The following IPO11 variants were observed in gnomAD, a reference collection of about 807,000 sequenced individuals.
The protein encoded by IPO11 is importin-11.
Under a neutral mutation model 143.2 loss-of-function variants are expected in IPO11, and 66 were observed. That is an observed-to-expected ratio of 0.46 (90% CI 0.38 to 0.57). The LOEUF is 0.57. Among genes scored for constraint, IPO11 ranks in the 20% least tolerant of loss-of-function variants. IPO11 has a pLI of 0.00. For missense variants in IPO11, 1,026 were observed against 1,141.0 expected, an observed-to-expected ratio of 0.90 and a Z score of 1.45; for synonymous variants, 385 against 377.8, an observed-to-expected ratio of 1.02 and a Z score of -0.22.
chr5:62,621,307 G>A (rs187811771), intron 29 of IPO11, among the ~76,000 whole-genome samples: 8 of 152,282 alleles, frequency 5.3e-5, no homozygotes, highest in African/African-American at 1.7e-4. Context: ...ACTTTGAAGG[G>A]CGAGGGGGAA....
intron 22 of IPO11, among the ~76,000 whole-genome samples, chr5:62,532,603 C>T (rs1046044433): frequency 6.6e-6 from 1 of 152,180 alleles, no homozygotes; most frequent in Non-Finnish European, 1.5e-5. Context: ...TGTGATCCAC[C>T]TGCCTCGGCA....
intron 2 of IPO11, among the ~76,000 whole-genome samples, chr5:62,438,887 G>A (rs1305653475): frequency 2.6e-5 from 4 of 151,256 alleles, no homozygotes; most frequent in Admixed American, 1.3e-4. Flanking sequence ...GTGAAATCCC[G>A]TCTCTACTAA....
At chr5:62,548,513 C>CT (rs1170208119) in intron 24 of IPO11, among the ~76,000 whole-genome samples, 1 of 152,132 alleles carries the variant, frequency 6.6e-6, no homozygotes, top group Non-Finnish European at 1.5e-5. Flanking sequence ...GAAGCAATCT[C>CT]TTTTAGACTC....
Position 62,498,982 on chromosome 5 carries a change from G to A in IPO11, c.1590+4858G>A, listed in dbSNP as rs189025966. On this transcript the variant is annotated intron_variant, in intron 16 of 29. Coordinates refer to ENST00000325324, the MANE Select transcript of IPO11 (RefSeq NM_016338.5). ...AGTATAATCTTTCACTTTTGTGAAA[G>A]CCTATGTAAGATATAAACTGTGGTA... 1.3e-4 allele frequency among the ~76,000 whole-genome samples: 20 copies of A among 152,312 alleles called. 1 individual carries two copies. The highest frequency in any genetic ancestry group is 1.2e-3 in the Admixed American group (18 of 15,300).
chr5:62,415,796 C>T (rs754218958), intron 1 of IPO11, among the ~76,000 whole-genome samples: 23 of 151,992 alleles, frequency 1.5e-4, no homozygotes, highest in Non-Finnish European at 2.6e-4. Context: ...GGATAAAGTT[C>T]CCTTCTGCTT....
intron 9 of IPO11, among the ~76,000 whole-genome samples, chr5:62,481,264 C>A (rs1746201084): frequency 1.3e-5 from 2 of 152,062 alleles, no homozygotes; most frequent in South Asian, 4.2e-4. Flanking sequence ...TTTCTCTTGC[C>A]TGATTGCCCT....
intron 29 of IPO11, among the ~76,000 whole-genome samples, chr5:62,617,074 A>G (rs1015550238): frequency 6.6e-6 from 1 of 152,152 alleles, no homozygotes; most frequent in Admixed American, 6.5e-5. Context: ...AAGAGACTTG[A>G]GATTCTCATA....
chr5:62,618,422 A>T (rs1746220744), intron 29 of IPO11, among the ~76,000 whole-genome samples: 1 of 152,202 alleles, frequency 6.6e-6, no homozygotes, highest in African/African-American at 2.4e-5. Context: ...GACATTAGAA[A>T]AAATCAGCCT....
At chr5:62,590,943 G>A (rs1475165583) in intron 27 of IPO11, among the ~76,000 whole-genome samples, 1 of 151,908 alleles carries the variant, frequency 6.6e-6, no homozygotes, top group Non-Finnish European at 1.5e-5. Flanking sequence ...TCTTTTAAGA[G>A]ACAGGTCTCT....
intron 15 of IPO11, among the ~76,000 whole-genome samples, chr5:62,491,371 A>C (rs1278023053): frequency 1.3e-5 from 2 of 152,196 alleles, no homozygotes; most frequent in Admixed American, 6.5e-5. Context: ...ACTCTGACTT[A>C]GTCTCAGGGA....
rs575838421 is a variant in IPO11, at chr5:62,440,532, T to G, written c.139-2451T>G. Among the ~76,000 whole-genome samples, 19 of 152,026 alleles carry G rather than the reference T, an allele frequency of 1.2e-4. 1 individual carries two copies. Among genetic ancestry groups the G allele is most frequent in the Admixed American group, 1.1e-3 (17 of 15,280 alleles). The stretch of plus-strand genomic sequence containing the variant: ...CACCATGCCTAGCTAATTTTTTGTA[T>G]TTTTAGTAGAGACAGGGTTTCACCA... On this transcript the variant is annotated intron_variant, in intron 2 of 29. Transcript: ENST00000325324.
At chr5:62,530,988 T>G (rs1742523576) in intron 22 of IPO11, among the ~76,000 whole-genome samples, 2 of 152,198 alleles carry the variant, frequency 1.3e-5, no homozygotes, top group African/African-American at 4.8e-5. Flanking sequence ...ATCCAGTTAG[T>G]GAACATAGTA....
At chr5:62,587,418 A>T (rs1744836897) in intron 27 of IPO11, among the ~76,000 whole-genome samples, 1 of 152,082 alleles carries the variant, frequency 6.6e-6, no homozygotes. Context: ...GAAAGGATGT[A>T]TGTTTCCATT....
intron 1 of IPO11, among the ~76,000 whole-genome samples, chr5:62,435,218 A>ATGTGTG (rs1561309256): frequency 1.4e-5 from 2 of 141,434 alleles, no homozygotes; most frequent in African/African-American, 5.3e-5. Flanking sequence ...ATGTGTATAT[A>ATGTGTG]TATATATATC....
chr5:62,510,170 C>T (rs994754421), intron 19 of IPO11, among the ~76,000 whole-genome samples: 3 of 152,088 alleles, frequency 2.0e-5, no homozygotes, highest in African/African-American at 7.2e-5. Flanking sequence ...TTTCTTAGTT[C>T]TATGTGATTT....
intron 1 of IPO11, among the ~76,000 whole-genome samples, chr5:62,431,999 C>G (rs1744007608): frequency 6.6e-6 from 1 of 152,042 alleles, no homozygotes; most frequent in Admixed American, 6.6e-5. Context: ...CCCTGCTGCA[C>G]CACTCCCGTA....
intron 20 of IPO11, among the ~76,000 whole-genome samples, chr5:62,524,357 G>C (rs1400364139): frequency 6.6e-6 from 1 of 152,118 alleles, no homozygotes. Flanking sequence ...TTTGAAAGCA[G>C]TGTGTTTAGC....
intron 1 of IPO11, among the ~76,000 whole-genome samples, chr5:62,426,939 T>TTG (rs1387509452): frequency 7.1e-5 from 10 of 140,872 alleles, no homozygotes; most frequent in Non-Finnish European, 1.2e-4. Context: ...CTGTTTTTTT[T>TTG]TTTTTTTTTT....
chr5:62,508,298 A>ATTTTTTTTTT (rs70981020), intron 19 of IPO11, among the ~76,000 whole-genome samples: 49 of 127,464 alleles, frequency 3.8e-4, no homozygotes, highest in African/African-American at 1.1e-3. Flanking sequence ...TGCCTGGCTA[A>ATTTTTTTTTT]TTTTTTTTTT....
Sources: gnomAD v4.1 joint callset for allele counts (sites outside exome capture counted in the v4.1 genomes callset) on GRCh38, gnomAD v4.1.1 for gene constraint, MANE v1.5 for transcripts, NCBI Gene and HGNC (gene_info 2026-07-23, HGNC 2026-07-21) for gene names.